Variants in FER1L5 observed in about 807,000 individuals in gnomAD.
FER1L5 encodes fer-1-like protein 5.
A neutral mutation model predicts 279.9 loss-of-function variants in FER1L5; 187 were observed. The observed-to-expected ratio is 0.67, with a 90% CI of 0.59 to 0.75. FER1L5 has a LOEUF of 0.75. Among genes scored for constraint, FER1L5 ranks in the 30% least tolerant of loss-of-function variants. FER1L5 has a pLI of 0.00. For missense variants in FER1L5, 2,091 were observed against 2,594.4 expected, an observed-to-expected ratio of 0.81 and a Z score of 4.21; for synonymous variants, 921 against 989.7, an observed-to-expected ratio of 0.93 and a Z score of 1.30.
In FER1L5 at chr2:96,691,272, C is replaced by A; in HGVS notation, c.2826C>A (p.Arg942=). 3 of 1,550,574 alleles carry A rather than the reference C, an allele frequency of 1.9e-6. No individual in the cohort carries two copies. Among genetic ancestry groups the A allele is most frequent in the Non-Finnish European group, 2.6e-6 (3 of 1,146,890 alleles). Residue 942 remains arginine (R), a synonymous_variant, in exon 28 of 53, where the codon CGC becomes CGA. Coordinates refer to ENST00000624922, the MANE Select transcript of FER1L5 (RefSeq NM_001293083.2). This position sits in a 1 kb window ranked among gnomAD's most constrained non-coding sequence, Gnocchi z 6.0. ...SPVEKTYHSC[R]RRRWARVRFR... ...TGGAGAAGACCTACCACTCGTGCCGCCGCCGGCGCTGGGCGCGTGTGCGCT... is the reference window on the plus strand; with the variant it reads ...TGGAGAAGACCTACCACTCGTGCCGACGCCGGCGCTGGGCGCGTGTGCGCT...
In FER1L5 at chr2:96,702,042, C is replaced by T. The variant is rs761142599; in HGVS notation, c.5158C>T (p.Arg1720Trp). The change falls in exon 46 of 53, where the codon CGG (arginine) becomes TGG (tryptophan). Residue 1720 changes from arginine to tryptophan, a missense_variant and splice_region_variant. Physicochemically the swap from Arg to Trp is moderately radical, Grantham distance 101. Coordinates refer to ENST00000624922, the MANE Select transcript of FER1L5 (RefSeq NM_001293083.2). The surrounding 1 kb of genome is among the most constrained non-coding windows in gnomAD (Gnocchi z 4.0). ...QVNINPRKPK[R>W]YELRCIIWKT... Reference sequence around the variant, plus strand: ...CAACATCAACCCCAGAAAGCCTAAACGGTGAGTGACAGCCCACTTCCCAAC... The same window carrying T: ...CAACATCAACCCCAGAAAGCCTAAATGGTGAGTGACAGCCCACTTCCCAAC... The T allele has an allele frequency of 8.1e-6, 13 of 1,613,830 alleles. No homozygotes were observed. Among genetic ancestry groups the T allele is most frequent in the East Asian group, 2.2e-5 (1 of 44,902 alleles).
intron 9 of FER1L5, among the ~76,000 whole-genome samples, chr2:96,657,079 A>G (rs1450338992): frequency 6.7e-6 from 1 of 148,982 alleles, no homozygotes; most frequent in Non-Finnish European, 1.5e-5. Context: ...ATATATATAT[A>G]TATAGTTTTT....
intron 44 of FER1L5, 48 bp downstream of exon 44, chr2:96,700,128 A>T (rs975386150): frequency 1.9e-6 from 3 of 1,606,922 alleles, no homozygotes; most frequent in Non-Finnish European, 2.5e-6. Context: ...AGGCCTCTGG[A>T]AGCTGTGAGG....
chr2:96,653,910 G>A, intron 8 of FER1L5: 2 of 554,722 alleles, frequency 3.6e-6, no homozygotes, highest in African/African-American at 1.9e-5. Context: ...CAACTGCCAG[G>A]CCCTGAACTG....
chr2:96,690,769 A>G (rs1206569506), intron 27 of FER1L5, among the ~76,000 whole-genome samples, 180 bp downstream of exon 27: 2 of 152,224 alleles, frequency 1.3e-5, no homozygotes, highest in Admixed American at 6.5e-5. Flanking sequence ...GTTTTGAGAC[A>G]GCACAGGCCC....
intron 9 of FER1L5, among the ~76,000 whole-genome samples, chr2:96,659,664 T>G (rs1243449625): frequency 2.0e-5 from 3 of 150,704 alleles, no homozygotes; most frequent in Admixed American, 6.7e-5. Context: ...GCTAATTTTT[T>G]GTATTTTTAG....
rs1379298716 is a variant in FER1L5, at chr2:96,694,127, C to T, written c.3636+55C>T. Reference sequence around the variant, plus strand: ...TGTGGCACTCAGTGCCCCTCCCCGTCCCACCCCCAGCCAGCGGGGGCCAAC... The same window carrying T: ...TGTGGCACTCAGTGCCCCTCCCCGTTCCACCCCCAGCCAGCGGGGGCCAAC... On this transcript the variant is annotated intron_variant, in intron 33 of 52. Transcript: ENST00000624922. The surrounding 1 kb of genome is among the most constrained non-coding windows in gnomAD (Gnocchi z 4.6). 2.3e-5 allele frequency: 34 copies of T among 1,494,224 alleles called. 1 individual carries two copies. The highest frequency in any genetic ancestry group is 3.0e-5 in the Non-Finnish European group (34 of 1,124,246). The allele number at this position is 1,494,224 out of a possible 1,614,324, so 92.6% of individuals were successfully genotyped here.
intron 24 of FER1L5, 135 bp downstream of exon 24, chr2:96,688,082 C>A: frequency 8.3e-7 from 1 of 1,206,348 alleles, no homozygotes; most frequent in South Asian, 1.5e-5. Flanking sequence ...TAGCCCTGCA[C>A]TGAAGAGGAA....
Position 96,691,572 on chromosome 2 carries a change from A to C in FER1L5, c.3035A>C (p.Asp1012Ala). The C allele has an allele frequency of 6.5e-7, 1 of 1,546,808 alleles. No homozygotes were observed. The highest frequency in any genetic ancestry group is 1.4e-5 in the African/African-American group (1 of 73,012). Residue 1012 changes from aspartate (D) to alanine (A), a missense_variant, in exon 29 of 53, where the codon GAC becomes GCC. Coordinates refer to ENST00000624922, the MANE Select transcript of FER1L5 (RefSeq NM_001293083.2). The surrounding 1 kb of genome is among the most constrained non-coding windows in gnomAD (Gnocchi z 6.0). ...CWRRRLAPNK[D>A]KGIAPIFLLE... ...CGCCGCAGGCTGGCCCCCAACAAGG[A>C]CAAGGGCATCGCGCCCATATTCCTC...
At chr2:96,677,865 CAA>C (rs1186036662) in intron 19 of FER1L5, among the ~76,000 whole-genome samples, 16 of 93,866 alleles carry the variant, frequency 1.7e-4, no homozygotes, top group African/African-American at 1.9e-4. Context: ...AACTCCGTCT[CAA>C]AAAAAAAAAA....
chr2:96,703,148 C>A lies in FER1L5; in HGVS notation c.5498-5C>A. 1 of 1,612,618 alleles carries A rather than the reference C, an allele frequency of 6.2e-7. No homozygotes were observed. The highest frequency in any genetic ancestry group is 1.3e-5 in the African/African-American group (1 of 75,010). On this transcript the variant is annotated splice_region_variant and splice_polypyrimidine_tract_variant and intron_variant, in intron 49 of 52. Coordinates refer to ENST00000624922, the MANE Select transcript of FER1L5 (RefSeq NM_001293083.2). ...TTCTTGCTGATGTCATTTTTCTGGG[C>A]TCAGGGGTCCTGGAGCTGGATTTGT...
intron 1 of FER1L5, among the ~76,000 whole-genome samples, chr2:96,646,102 C>T (rs1336226683): frequency 6.6e-6 from 1 of 151,594 alleles, no homozygotes; most frequent in Non-Finnish European, 1.5e-5. Flanking sequence ...GGGTTCACAC[C>T]CTTCTCCTGC....
intron 6 of FER1L5, 67 bp downstream of exon 6, chr2:96,650,356 C>A: frequency 7.8e-7 from 1 of 1,287,062 alleles, no homozygotes; most frequent in Non-Finnish European, 1.1e-6. Context: ...TGTTCCCAGG[C>A]CACCTCACCC....
chr2:96,665,343 G>A (rs2076091703), intron 14 of FER1L5, among the ~76,000 whole-genome samples: 1 of 152,102 alleles, frequency 6.6e-6, no homozygotes, highest in Non-Finnish European at 1.5e-5. Context: ...GCTGCTTCTA[G>A]TAGCTACCCA....
At chr2:96,674,977 C>T (rs1387232956) in intron 19 of FER1L5, among the ~76,000 whole-genome samples, 1 of 152,178 alleles carries the variant, frequency 6.6e-6, no homozygotes, top group East Asian at 1.9e-4. Flanking sequence ...CACCTTCTTG[C>T]TTTTCTTTTT....
Position 96,691,491 on chromosome 2 carries a change from G to A in FER1L5, c.2954G>A (p.Gly985Asp). ...GAGGGCTGGGAGTATGACACCTTCG[G>A]CTCCAAGTTCCACCTCAACCCTCAG... is the stretch of plus-strand genomic sequence containing the variant. ...EEEGWEYDTFGSKFHLNPQPQ... is the reference protein window; with the variant it reads ...EEEGWEYDTFDSKFHLNPQPQ... Residue 985 changes from glycine to aspartate, a missense_variant, in exon 29 of 53, where the codon GGC becomes GAC. Transcript: ENST00000624922. The surrounding 1 kb of genome is among the most constrained non-coding windows in gnomAD (Gnocchi z 6.0). 2 of 1,549,546 alleles carry A rather than the reference G, an allele frequency of 1.3e-6. No individual in the cohort carries two copies. Among genetic ancestry groups the A allele is most frequent in the South Asian group, 2.4e-5 (2 of 83,796 alleles).
intron 23 of FER1L5, 52 bp downstream of exon 23, chr2:96,686,402 G>T: frequency 6.6e-7 from 1 of 1,516,244 alleles, no homozygotes; most frequent in Non-Finnish European, 8.9e-7. Context: ...ATGCCCCCAG[G>T]GGAGCCCCCT....
rs565270537 is a variant in FER1L5 at position 96,696,077 on chromosome 2, C to T, written c.4083C>T (p.Asp1361=). Residue 1361 remains aspartate, a splice_region_variant and synonymous_variant, in exon 37 of 53, where the codon GAC becomes GAT. Transcript: ENST00000624922. The part of the protein sequence containing the change: ...LPTLSEKKHQ[D]FLGYLYRKFW... Reference sequence around the variant, plus strand: ...CGCTGTCTGAGAAGAAGCACCAAGACGTAAGTAAGGGCTGCAGGCCCACCT... The same window carrying T: ...CGCTGTCTGAGAAGAAGCACCAAGATGTAAGTAAGGGCTGCAGGCCCACCT... 2.0e-5 allele frequency: 33 copies of T among 1,613,718 alleles called. No homozygotes were observed. Among genetic ancestry groups the T allele is most frequent in the East Asian group, 8.9e-5 (4 of 44,880 alleles).
In FER1L5 at chr2:96,694,557, G is replaced by C. The variant is rs988963002; in HGVS notation, c.3741+93G>C. 3.9e-6 allele frequency: 4 copies of C among 1,029,024 alleles called. No individual in the cohort carries two copies. Among genetic ancestry groups the C allele is most frequent in the Non-Finnish European group, 5.4e-6 (4 of 746,142 alleles). 63.7% of individuals were successfully genotyped at this position (1,029,024 alleles called of 1,614,324 possible). A position where few individuals can be genotyped will look rare whatever the true frequency, so the allele number is the denominator to read the frequency against. ...TTCTGCTGGTCCTCCCTGACTACTG[G>C]ATCCAAAGCTCACACCCCGAAAAAG... On this transcript the variant is annotated intron_variant, in intron 34 of 52. Coordinates refer to ENST00000624922, the MANE Select transcript of FER1L5 (RefSeq NM_001293083.2). This position sits in a 1 kb window ranked among gnomAD's most constrained non-coding sequence, Gnocchi z 4.6.
Sources: allele counts gnomAD v4.1 joint callset (sites outside exome capture counted in the v4.1 genomes callset), GRCh38; gene constraint gnomAD v4.1.1; non-coding constraint Gnocchi (gnomAD v3.1); transcripts MANE v1.5; gene names NCBI Gene and HGNC (gene_info 2026-07-23, HGNC 2026-07-21).